MON2: variants seen among roughly 807,000 people sequenced by gnomAD.
The protein encoded by MON2 is MON2 regulator of endosome-to-Golgi trafficking.
A neutral mutation model predicts 208.6 loss-of-function variants in MON2; 84 were observed. The observed-to-expected ratio is 0.40, with a 90% CI of 0.34 to 0.48. The LOEUF (loss-of-function observed/expected upper bound fraction) is 0.48, where lower values mean the gene tolerates loss of function less well. Ranked by LOEUF, MON2 falls within the 20% of genes least tolerant of loss-of-function variation. The pLI, the probability that MON2 is intolerant of heterozygous loss-of-function variation, is 0.59. For synonymous variants in MON2, 660 were observed against 694.0 expected (o/e 0.95, Z 0.77); for missense variants, 1,611 against 2,015.4 (o/e 0.80, Z 3.84).
chr12:62,558,281 A>G (rs1287517892), intron 25 of MON2, among the ~76,000 whole-genome samples: 1 of 151,926 alleles, frequency 6.6e-6, no homozygotes, highest in Non-Finnish European at 1.5e-5. Context: ...CCCAGCCTAG[A>G]TTTAGATTTT....
intron 1 of MON2, among the ~76,000 whole-genome samples, chr12:62,480,699 C>G (rs749270569): frequency 6.6e-6 from 1 of 152,196 alleles, no homozygotes; most frequent in Non-Finnish European, 1.5e-5. Flanking sequence ...AATTTGAAAT[C>G]ATTTACTGAC....
intron 31 of MON2, among the ~76,000 whole-genome samples, chr12:62,578,858 CA>C (rs1460288813): frequency 6.6e-6 from 1 of 152,166 alleles, no homozygotes; most frequent in Non-Finnish European, 1.5e-5. Flanking sequence ...TCAAATTAAT[CA>C]GAAAGTTGCT....
intron 26 of MON2, among the ~76,000 whole-genome samples, 180 bp downstream of exon 26, chr12:62,561,293 T>G (rs1275473362): frequency 6.6e-6 from 1 of 152,160 alleles, no homozygotes; most frequent in Non-Finnish European, 1.5e-5. Flanking sequence ...TTCTGTTGCA[T>G]TTTGAAAGGT....
At chr12:62,535,107 A>G (rs1446168550) in intron 13 of MON2, among the ~76,000 whole-genome samples, 181 bp downstream of exon 13, 3 of 152,196 alleles carry the variant, frequency 2.0e-5, no homozygotes, top group Non-Finnish European at 4.4e-5. Flanking sequence ...CCAAGCCACC[A>G]GAATTGTCAT....
intron 8 of MON2, 109 bp from the exon 9 acceptor site, chr12:62,524,406 C>T: frequency 1.2e-6 from 1 of 818,102 alleles, no homozygotes; most frequent in Non-Finnish European, 1.9e-6. Context: ...GATTTCTAAT[C>T]TAAAAGATTT....
Position 62,466,968 on chromosome 12 carries a change from A to C in MON2, c.-240A>C. The C allele has an allele frequency of 1.9e-6, 1 of 517,582 alleles. No homozygotes were observed. The highest frequency in any genetic ancestry group is 2.7e-5 in the South Asian group (1 of 37,432). The allele number at this position is 517,582 out of a possible 1,614,324, so 32.1% of individuals were successfully genotyped here. On this transcript the variant is annotated 5_prime_UTR_variant, in exon 1 of 35. Transcript: ENST00000393630. ...CCCGCCTTGTGGGTTTCTCGGCCAG[A>C]GTCGGCGGAGCCTAGCGGGACGGTG... is the stretch of plus-strand genomic sequence containing the variant.
intron 1 of MON2, among the ~76,000 whole-genome samples, chr12:62,473,845 A>G (rs2068922510): frequency 6.6e-6 from 1 of 152,118 alleles, no homozygotes; most frequent in African/African-American, 2.4e-5. Context: ...TGCTGGGATT[A>G]CAGACCCGAG....
chr12:62,555,923 C>A, intron 24 of MON2, 71 bp from the exon 25 acceptor site: 1 of 1,117,182 alleles, frequency 9.0e-7, no homozygotes, highest in Non-Finnish European at 1.3e-6. Flanking sequence ...GATTCTTATG[C>A]TGTTGCTCCT....
intron 34 of MON2, chr12:62,588,883 C>A: frequency 6.8e-7 from 1 of 1,479,472 alleles, no homozygotes; most frequent in Non-Finnish European, 9.1e-7. Context: ...GGAATACCAC[C>A]CTACTTTTAA....
intron 11 of MON2, among the ~76,000 whole-genome samples, chr12:62,531,860 C>T (rs1220002198): frequency 6.6e-6 from 1 of 151,996 alleles, no homozygotes; most frequent in African/African-American, 2.4e-5. Context: ...AGCTCTGCCT[C>T]CTTGGTTCAT....
At chr12:62,514,564 C>A (rs984875120) in intron 8 of MON2, among the ~76,000 whole-genome samples, 1 of 152,138 alleles carries the variant, frequency 6.6e-6, no homozygotes, top group Non-Finnish European at 1.5e-5. Flanking sequence ...GAGATTTATT[C>A]ACTATCATGA....
At chr12:62,548,179 G>A (rs746187869) in intron 22 of MON2, among the ~76,000 whole-genome samples, 16 of 152,206 alleles carry the variant, frequency 1.1e-4, no homozygotes, top group Admixed American at 2.6e-4. Flanking sequence ...TGTGACAGCA[G>A]CATGGAAGGG....
intron 26 of MON2, among the ~76,000 whole-genome samples, chr12:62,562,923 A>C (rs766387332): frequency 6.6e-6 from 1 of 152,124 alleles, no homozygotes; most frequent in Non-Finnish European, 1.5e-5. Flanking sequence ...TTATTTATTT[A>C]TGTATTGCCA....
At position 62,586,825 on chromosome 12, in the gene MON2, C is replaced by T. The variant is rs564921201; in HGVS notation, c.4908-1249C>T. Among the ~76,000 whole-genome samples, 38 of 152,160 alleles carry T rather than the reference C, an allele frequency of 2.5e-4. No homozygotes were observed. The South Asian group carries it at 7.9e-3, about 32-fold the overall frequency. On this transcript the variant is annotated intron_variant, in intron 33 of 34. Transcript: ENST00000393630. ...TTTTGATTTCAGAAGAAAACTTTCA[C>T]CTTATTTTTTAATGTTCTAAGTCTT...
chr12:62,534,662 C>T (rs2072880443), intron 12 of MON2, among the ~76,000 whole-genome samples, 183 bp from the exon 13 acceptor site: 1 of 145,914 alleles, frequency 6.9e-6, no homozygotes, highest in Admixed American at 7.0e-5. Flanking sequence ...AAGCCTGAAA[C>T]TATAGTACGG....
intron 19 of MON2, among the ~76,000 whole-genome samples, chr12:62,541,925 C>T (rs7975183): frequency 0.35 from 53,879 of 151,916 alleles, 9,692 homozygotes; most frequent in African/African-American, 0.38. Context: ...ATGCCAGGCA[C>T]TTTCTAACAT....
At position 62,568,976 on chromosome 12, in the gene MON2, G is replaced by GT. The variant is rs556370886; in HGVS notation, c.4324-2414dup. ...CCACTCAGTTTGTATTTTTAAAGGA[G>GT]TTAAATGATCTCTTTTCTATAATCC... On this transcript the variant is annotated intron_variant, in intron 29 of 34. Coordinates refer to ENST00000393630, the MANE Select transcript of MON2 (RefSeq NM_015026.3). Among the ~76,000 whole-genome samples the GT allele has an allele frequency of 2.6e-5, 4 of 152,188 alleles. No individual in the cohort carries two copies. The East Asian group carries it at 5.8e-4, about 22-fold the overall frequency.
At chr12:62,564,337 T>C (rs1466383622) in intron 26 of MON2, among the ~76,000 whole-genome samples, 1 of 152,114 alleles carries the variant, frequency 6.6e-6, no homozygotes, top group Admixed American at 6.6e-5. Flanking sequence ...TTTAAGATTT[T>C]AAGAGTACCT....
intron 8 of MON2, 112 bp from the exon 9 acceptor site, chr12:62,524,402 TA>T: frequency 1.3e-6 from 1 of 791,216 alleles, no homozygotes; most frequent in Non-Finnish European, 2.0e-6. Context: ...GTTTGATTTC[TA>T]ATCTAAAAGA....
Sources: allele counts gnomAD v4.1 joint callset (sites outside exome capture counted in the v4.1 genomes callset), GRCh38; gene constraint gnomAD v4.1.1; transcripts MANE v1.5; gene names NCBI Gene and HGNC (gene_info 2026-07-23, HGNC 2026-07-21).